RNF38: variants seen among roughly 807,000 people sequenced by gnomAD.
RNF38 encodes the protein ring finger protein 38.
Under a neutral mutation model 67.2 loss-of-function variants are expected in RNF38, and 15 were observed. The ratio of observed to expected loss-of-function variants is 0.22; its 90% confidence interval spans 0.15 to 0.34. The LOEUF is 0.34. Among genes scored for constraint, RNF38 ranks in the 10% least tolerant of loss-of-function variants. The probability of loss-of-function intolerance (pLI) is 1.00; values close to 1 mark genes in which losing one functional copy is unlikely to be tolerated. For synonymous variants in RNF38, 220 were observed against 218.8 expected (o/e 1.01, Z -0.05); for missense variants, 524 against 639.9 (o/e 0.82, Z 1.95).
At chr9:36,371,481 G>C (rs961174497) in intron 3 of RNF38, among the ~76,000 whole-genome samples, 3 of 106,962 alleles carry the variant, frequency 2.8e-5, no homozygotes, top group Non-Finnish European at 5.4e-5. Flanking sequence ...TTTCACTCTT[G>C]TCACCCAGGC....
intron 3 of RNF38, among the ~76,000 whole-genome samples, chr9:36,374,786 C>T (rs1205726784): frequency 6.6e-6 from 1 of 152,192 alleles, no homozygotes; most frequent in Non-Finnish European, 1.5e-5. Context: ...CGCATTGCTT[C>T]TTAAAGGACA....
chr9:36,416,742 A>ATT (rs386414907), intron 2 of RNF38, among the ~76,000 whole-genome samples: 17,825 of 63,238 alleles, frequency 0.28, 6,024 homozygotes, highest in Non-Finnish European at 0.35. Context: ...CTGCCTCGAT[A>ATT]TTTTTTTTTT....
chr9:36,341,180 T>C (rs1646838405), intron 11 of RNF38, among the ~76,000 whole-genome samples: 1 of 152,204 alleles, frequency 6.6e-6, no homozygotes, highest in South Asian at 2.1e-4. Context: ...ACCTTTTCTT[T>C]TCCCACTCTT....
At chr9:36,341,183 C>A (rs1037806867) in intron 11 of RNF38, among the ~76,000 whole-genome samples, 3 of 152,082 alleles carry the variant, frequency 2.0e-5, no homozygotes, top group African/African-American at 7.2e-5. Flanking sequence ...TTTTCTTTTC[C>A]CACTCTTCCT....
chr9:36,436,441 TC>T (rs1436439019), intron 1 of RNF38, among the ~76,000 whole-genome samples: 1 of 152,220 alleles, frequency 6.6e-6, no homozygotes, highest in Non-Finnish European at 1.5e-5. Context: ...TATAGCATAG[TC>T]TAGATTATCA....
intron 2 of RNF38, among the ~76,000 whole-genome samples, chr9:36,416,197 A>AGGGGGGGGGGGGGG (rs1189939343): frequency 2.0e-4 from 1 of 4,896 alleles, no homozygotes; most frequent in African/African-American, 7.6e-4. Flanking sequence ...AGGGAGGGGG[A>AGGGGGGGGGGGGGG]GGGGGTGGGA....
rs534873553 is a variant in RNF38, at chr9:36,337,904, T to C, written c.*1848A>G. 4 of 152,746 alleles carry C rather than the reference T, an allele frequency of 2.6e-5. No homozygotes were observed. In the South Asian group the frequency reaches 8.3e-4, roughly 32 times the overall value. 9.5% of individuals were successfully genotyped at this position (152,746 alleles called of 1,614,324 possible). On this transcript the variant is annotated 3_prime_UTR_variant, in exon 12 of 12. Transcript: ENST00000259605. ...GTAGGACTAGATAGAGGCAACAATG[T>C]CTCGCAAAGGGCAAAATTGTGCTTC...
chr9:36,427,231 G>T (rs767498579), intron 1 of RNF38, among the ~76,000 whole-genome samples: 1 of 152,176 alleles, frequency 6.6e-6, no homozygotes, highest in Non-Finnish European at 1.5e-5. Context: ...TGAGAGAAAA[G>T]AAATAAAAGA....
intron 9 of RNF38, among the ~76,000 whole-genome samples, chr9:36,348,128 C>G (rs1189491622): frequency 6.6e-6 from 1 of 151,964 alleles, no homozygotes; most frequent in African/African-American, 2.4e-5. Flanking sequence ...AAAGGCATGT[C>G]AAAGCGGAGA....
At chr9:36,352,364 A>T (rs1356738057) in intron 8 of RNF38, among the ~76,000 whole-genome samples, 2 of 152,016 alleles carry the variant, frequency 1.3e-5, no homozygotes, top group Admixed American at 6.6e-5. Context: ...GACCAACTTA[A>T]TCCAAATAGA....
chr9:36,351,045 A>G, intron 9 of RNF38, 70 bp downstream of exon 9: 1 of 1,131,750 alleles, frequency 8.8e-7, no homozygotes, highest in Non-Finnish European at 1.3e-6. Context: ...CTGTGGTTTA[A>G]AGAGTTAAGT....
intron 11 of RNF38, among the ~76,000 whole-genome samples, chr9:36,341,767 G>A (rs1339101164): frequency 2.2e-5 from 1 of 45,762 alleles, no homozygotes; most frequent in Non-Finnish European, 5.2e-5. Context: ...CTCCAGACTG[G>A]GTGACACACT....
intron 2 of RNF38, among the ~76,000 whole-genome samples, chr9:36,385,159 C>T (rs566885911): frequency 6.6e-6 from 1 of 151,256 alleles, no homozygotes; most frequent in Non-Finnish European, 1.5e-5. Context: ...AAAAAAAAAT[C>T]GTTTTGAAGT....
At chr9:36,399,701 T>C (rs1837848962) in intron 1 of RNF38, among the ~76,000 whole-genome samples, 1 of 152,112 alleles carries the variant, frequency 6.6e-6, no homozygotes, top group Non-Finnish European at 1.5e-5. Flanking sequence ...AAAAGTTCTA[T>C]TTCTTCCATT....
intron 8 of RNF38, 28 bp downstream of exon 8, chr9:36,352,714 G>A (rs780848052): frequency 1.9e-5 from 28 of 1,483,920 alleles, no homozygotes; most frequent in Admixed American, 1.3e-4. Context: ...TCAAAATTCA[G>A]AAATCATTAA....
upstream of RNF38, chr9:36,400,918 C>G: frequency 1.0e-6 from 1 of 981,496 alleles, no homozygotes. Flanking sequence ...CGCCGCGCCC[C>G]GCCGCACCCC....
At chr9:36,392,883 G>A (rs1218433067) in intron 1 of RNF38, among the ~76,000 whole-genome samples, 1 of 152,102 alleles carries the variant, frequency 6.6e-6, no homozygotes, top group Non-Finnish European at 1.5e-5. Flanking sequence ...AATATTTAAA[G>A]GCCATAAAAC....
At chr9:36,384,277 A>C (rs959173637) in intron 2 of RNF38, among the ~76,000 whole-genome samples, 1 of 152,204 alleles carries the variant, frequency 6.6e-6, no homozygotes, top group Non-Finnish European at 1.5e-5. Context: ...AAAGATACTA[A>C]AACAACCTGA....
chr9:36,352,953 T>C lies in RNF38; in HGVS notation c.1072-105A>G, dbSNP rs557032301. ...AAGACTTAAACAGTAAAGTTCTTTATTGTTCAAAGTTTTAATATTCCTTAA... is the reference window on the plus strand; with the variant it reads ...AAGACTTAAACAGTAAAGTTCTTTACTGTTCAAAGTTTTAATATTCCTTAA... On this transcript the variant is annotated intron_variant, in intron 7 of 11. Transcript: ENST00000259605. The C allele has an allele frequency of 4.8e-4, 428 of 890,414 alleles. 5 individuals carry two copies. In the South Asian group the frequency reaches 6.7e-3, roughly 14 times the overall value. 55.2% of individuals were successfully genotyped at this position (890,414 alleles called of 1,614,324 possible). A position where few individuals can be genotyped will look rare whatever the true frequency, so the allele number is the denominator to read the frequency against.
Sources: allele counts gnomAD v4.1 joint callset (sites outside exome capture counted in the v4.1 genomes callset), GRCh38; gene constraint gnomAD v4.1.1; transcripts MANE v1.5; gene names NCBI Gene and HGNC (gene_info 2026-07-23, HGNC 2026-07-21).